Variants in COL13A1 observed in about 807,000 individuals in gnomAD.
COL13A1 encodes collagen type XIII alpha 1 chain, also known as collagen alpha-1(XIII) chain.
Under a neutral mutation model 130.9 loss-of-function variants are expected in COL13A1, and 89 were observed. The observed-to-expected ratio is 0.68, with a 90% confidence interval of 0.57 to 0.81. COL13A1 has a LOEUF of 0.81. COL13A1 is among the 30% of genes least tolerant of loss of function. The probability of loss-of-function intolerance (pLI) is 0.00; values close to 1 mark genes in which losing one functional copy is unlikely to be tolerated. For missense variants in COL13A1, 879 were observed against 934.6 expected (o/e 0.94, Z 0.78); for synonymous variants, 402 against 341.6 (o/e 1.18, Z -1.95).
Position 69,910,779 on chromosome 10 carries a change from G to C in COL13A1, c.921+4957G>C, listed in dbSNP as rs376395875. Among the ~76,000 whole-genome samples the C allele has an allele frequency of 2.6e-5, 4 of 152,364 alleles. No homozygotes were observed. In the South Asian group the frequency reaches 8.3e-4, roughly 32 times the overall value. ...ATTACAACCTTGGCTCTCTTTCAAG[G>C]GGGTTGACGAGTATTGTCAGATTGT... On this transcript the variant is annotated intron_variant, in intron 17 of 40. Transcript: ENST00000645393.
intron 5 of COL13A1, among the ~76,000 whole-genome samples, chr10:69,876,823 AC>A (rs1246440832): frequency 6.6e-6 from 1 of 152,124 alleles, no homozygotes; most frequent in Non-Finnish European, 1.5e-5. Context: ...CAACTGTGGG[AC>A]CCCAAAGTCC....
chr10:69,884,234 C>A (rs1263454705), intron 7 of COL13A1, among the ~76,000 whole-genome samples: 1 of 152,222 alleles, frequency 6.6e-6, no homozygotes, highest in African/African-American at 2.4e-5. Context: ...CACACCTCAC[C>A]TCCTCCCAGC....
chr10:69,934,394 CTG>C (rs776496062), intron 31 of COL13A1, among the ~76,000 whole-genome samples: 2 of 152,214 alleles, frequency 1.3e-5, no homozygotes, highest in Non-Finnish European at 2.9e-5. Flanking sequence ...TCCAAGGAGA[CTG>C]TGATGGAGCG....
intron 13 of COL13A1, 144 bp downstream of exon 13, chr10:69,895,720 T>A: frequency 1.1e-6 from 1 of 884,988 alleles, no homozygotes; most frequent in Non-Finnish European, 1.8e-6. Flanking sequence ...CACTCAGCAG[T>A]CAGAGAGGGG....
intron 5 of COL13A1, among the ~76,000 whole-genome samples, chr10:69,876,458 G>C (rs1433381237): frequency 6.6e-6 from 1 of 152,190 alleles, no homozygotes; most frequent in Non-Finnish European, 1.5e-5. Context: ...ACAGAGCTTT[G>C]CTCTCCCCAG....
chr10:69,904,793 G>C, intron 15 of COL13A1, 140 bp from the exon 16 acceptor site: 1 of 856,114 alleles, frequency 1.2e-6, no homozygotes, highest in South Asian at 1.8e-5. Context: ...CACTAGAGCT[G>C]TTGGCTATAG....
intron 10 of COL13A1, among the ~76,000 whole-genome samples, chr10:69,890,813 C>T (rs868143558): frequency 3.9e-5 from 6 of 152,238 alleles, no homozygotes; most frequent in East Asian, 1.9e-4. Flanking sequence ...CAATCCTCAG[C>T]GTAACTCTGT....
chr10:69,828,658 T>G (rs896035819), intron 2 of COL13A1, among the ~76,000 whole-genome samples: 2 of 152,176 alleles, frequency 1.3e-5, no homozygotes, highest in African/African-American at 2.4e-5. Flanking sequence ...CACCCCTCCA[T>G]GTCAGCTACA....
intron 21 of COL13A1, 38 bp from the exon 22 acceptor site, chr10:69,921,844 C>G (rs777842843): frequency 4.4e-6 from 7 of 1,586,800 alleles, no homozygotes; most frequent in Non-Finnish European, 2.6e-6. Flanking sequence ...GCTGCAGAAA[C>G]AGTTCCTAAC....
At chr10:69,867,485 A>T (rs2058640036) in intron 2 of COL13A1, among the ~76,000 whole-genome samples, 1 of 152,170 alleles carries the variant, frequency 6.6e-6, no homozygotes, top group African/African-American at 2.4e-5. Context: ...AGCCTTGTAC[A>T]CAAGTTCAGG....
intron 24 of COL13A1, among the ~76,000 whole-genome samples, chr10:69,924,172 T>C (rs561297977): frequency 1.1e-4 from 17 of 152,188 alleles, no homozygotes; most frequent in Non-Finnish European, 2.4e-4. Flanking sequence ...GAGTTCACAG[T>C]GGCTAAAGTG....
In COL13A1 at chr10:69,928,877, G is replaced by A. The variant is rs368883886; in HGVS notation, c.1423-60G>A. ...GCCAGCCTCCACATATAGCCCTCAG[G>A]GCACAGGCTACCCTCCTCCATGGGA... On this transcript the variant is annotated intron_variant, in intron 27 of 40. Coordinates refer to ENST00000645393, the MANE Select transcript of COL13A1 (RefSeq NM_001368882.1). 2.2e-4 allele frequency: 290 copies of A among 1,335,196 alleles called. 1 individual carries two copies. Among genetic ancestry groups the A allele is most frequent in the Middle Eastern group, 1.1e-3 (6 of 5,498 alleles). 82.7% of individuals were successfully genotyped at this position (1,335,196 alleles called of 1,614,324 possible). A position where few individuals can be genotyped will look rare whatever the true frequency, so the allele number is the denominator to read the frequency against.
chr10:69,836,355 C>T (rs149458793), intron 2 of COL13A1, among the ~76,000 whole-genome samples: 368 of 152,350 alleles, frequency 2.4e-3, no homozygotes, highest in African/African-American at 8.1e-3. Flanking sequence ...GGCAGGGACA[C>T]AGGTCTAGAA....
chr10:69,856,814 T>C (rs541534028), intron 2 of COL13A1, among the ~76,000 whole-genome samples: 1 of 152,322 alleles, frequency 6.6e-6, no homozygotes, highest in South Asian at 2.1e-4. Flanking sequence ...CTCTAGGTCC[T>C]GTGGGAGGAT....
intron 16 of COL13A1, 90 bp downstream of exon 16, chr10:69,905,049 G>T: frequency 7.1e-7 from 1 of 1,408,410 alleles, no homozygotes; most frequent in South Asian, 1.3e-5. Context: ...ACTGAGGCAG[G>T]AGCAGAGAGG....
At chr10:69,897,386 G>A in intron 13 of COL13A1, 1 of 1,349,168 alleles carries the variant, frequency 7.4e-7, no homozygotes, top group Non-Finnish European at 1.0e-6. Context: ...GAGGAGAGGG[G>A]TGGGGAGCAG....
intron 39 of COL13A1, chr10:69,956,593 C>T (rs944105451): frequency 2.1e-5 from 4 of 187,458 alleles, no homozygotes; most frequent in South Asian, 1.3e-4. Flanking sequence ...AGGCCCTTAG[C>T]GGTCACATCA....
chr10:69,931,139 G>T (rs989520370), intron 30 of COL13A1: 1 of 455,988 alleles, frequency 2.2e-6, no homozygotes, highest in African/African-American at 2.0e-5. Context: ...TCCACTAACA[G>T]AAATCATTGT....
At chr10:69,829,709 G>A (rs1848361418) in intron 2 of COL13A1, among the ~76,000 whole-genome samples, 1 of 152,230 alleles carries the variant, frequency 6.6e-6, no homozygotes, top group Non-Finnish European at 1.5e-5. Context: ...AGCTCTCTAT[G>A]CCCCTCATGG....
Sources: gnomAD v4.1 joint callset for allele counts (sites outside exome capture counted in the v4.1 genomes callset) on GRCh38, gnomAD v4.1.1 for gene constraint, MANE v1.5 for transcripts, NCBI Gene and HGNC (gene_info 2026-07-23, HGNC 2026-07-21) for gene names.